The following ARID1A variants were observed in gnomAD, a reference collection of about 807,000 sequenced individuals.
ARID1A encodes the protein AT-rich interactive domain-containing protein 1A.
A neutral mutation model predicts 212.6 loss-of-function variants in ARID1A; 20 were observed. The ratio of observed to expected loss-of-function variants is 0.09; its 90% CI spans 0.07 to 0.14. The LOEUF (loss-of-function observed/expected upper bound fraction) is 0.14. Among genes scored for constraint, ARID1A ranks in the 10% least tolerant of loss-of-function variants. The probability of loss-of-function intolerance (pLI) is 1.00; values close to 1 mark genes in which losing one functional copy is unlikely to be tolerated. For synonymous variants in ARID1A, 1,376 were observed against 1,222.1 expected, an observed-to-expected ratio of 1.13 and a Z score of -2.63; for missense variants, 2,587 against 3,059.0, an observed-to-expected ratio of 0.85 and a Z score of 3.64.
In ARID1A at chr1:26,702,312, A is replaced by G. The variant is rs555026633; in HGVS notation, c.1137+4772A>G. Reference sequence around the variant, plus strand: ...CTTTGCACGTGGTCCTGGAAATGCTATTCTTTCTCTTCTCCAGCACACCTG... The same window carrying G: ...CTTTGCACGTGGTCCTGGAAATGCTGTTCTTTCTCTTCTCCAGCACACCTG... On this transcript the variant is annotated intron_variant, in intron 1 of 19. Transcript: ENST00000324856. Among the ~76,000 whole-genome samples the G allele has an allele frequency of 4.6e-5, 7 of 152,344 alleles. No individual in the cohort carries two copies. The East Asian group carries it at 7.7e-4, about 17-fold the overall frequency.
chr1:26,751,253 T>TA (rs558751331), intron 4 of ARID1A, among the ~76,000 whole-genome samples: 49 of 145,934 alleles, frequency 3.4e-4, no homozygotes, highest in South Asian at 1.8e-3. Context: ...AAACTCCGTC[T>TA]AAAAAAAAAA....
At chr1:26,710,586 A>G (rs1423228477) in intron 1 of ARID1A, among the ~76,000 whole-genome samples, 2 of 150,328 alleles carry the variant, frequency 1.3e-5, no homozygotes, top group Non-Finnish European at 3.0e-5. Flanking sequence ...TGTGGTCCCT[A>G]GCCACCAGCA....
rs1476547709 is a variant in ARID1A, at chr1:26,696,886, C to T, written c.483C>T (p.Val161=). ...CCTACGGCCGGAGCCCGTCTGCCGT[C>T]GCCGCCGCCGCGGCCGCCGTCTTCC... ...GQPYGRSPSA[V]AAAAAAVFHQ... is the part of the protein sequence containing the mutation. The change falls in exon 1 of 20, where the codon GTC becomes GTT. Residue 161 remains valine, a synonymous_variant. Coordinates refer to ENST00000324856, the MANE Select transcript of ARID1A (RefSeq NM_006015.6). The T allele has an allele frequency of 8.1e-6, 11 of 1,356,282 alleles. No homozygotes were observed. Among genetic ancestry groups the T allele is most frequent in the East Asian group, 3.0e-5 (1 of 33,042 alleles). The allele number at this position is 1,356,282 out of a possible 1,614,324, so 84.0% of individuals were successfully genotyped here.
intron 1 of ARID1A, among the ~76,000 whole-genome samples, chr1:26,711,669 T>C (rs1257131938): frequency 6.6e-6 from 1 of 152,194 alleles, no homozygotes; most frequent in South Asian, 2.1e-4. Flanking sequence ...TCTGCTTGTT[T>C]ATAGGACTTG....
At chr1:26,766,810 TG>T (rs1169303670) in intron 10 of ARID1A, among the ~76,000 whole-genome samples, 2 of 152,158 alleles carry the variant, frequency 1.3e-5, no homozygotes, top group African/African-American at 2.4e-5. Flanking sequence ...CTGTTTGTTA[TG>T]GGGGAAATGC....
intron 19 of ARID1A, 41 bp from the exon 20 acceptor site, chr1:26,778,982 C>T (rs1165779653): frequency 2.7e-6 from 4 of 1,494,318 alleles, no homozygotes; most frequent in Admixed American, 2.3e-5. Flanking sequence ...TCTTAGGCCA[C>T]TTTTCTCCCT....
At position 26,742,699 on chromosome 1, in the gene ARID1A, G is replaced by A. The variant is rs192556289; in HGVS notation, c.1920+9907G>A. Among the ~76,000 whole-genome samples the A allele has an allele frequency of 5.9e-5, 9 of 152,236 alleles. No individual in the cohort carries two copies. In the East Asian group the frequency reaches 9.6e-4, roughly 16 times the overall value. On this transcript the variant is annotated intron_variant, in intron 4 of 19. Coordinates refer to ENST00000324856, the MANE Select transcript of ARID1A (RefSeq NM_006015.6). The stretch of plus-strand genomic sequence containing the variant: ...AATATCAAGCTGGTAGGCCAGGCAC[G>A]GTGGCTCACACCTGTAATCCCAGCA...
At chr1:26,732,429 GC>G (rs2080688094) in intron 3 of ARID1A, among the ~76,000 whole-genome samples, 1 of 152,190 alleles carries the variant, frequency 6.6e-6, no homozygotes, top group Non-Finnish European at 1.5e-5. Context: ...CCAGACATTA[GC>G]ATTTAACCCC....
At chr1:26,735,678 G>T (rs1008307998) in intron 4 of ARID1A, among the ~76,000 whole-genome samples, 6 of 152,192 alleles carry the variant, frequency 3.9e-5, no homozygotes, top group Non-Finnish European at 2.9e-5. Flanking sequence ...TTCTCATTCA[G>T]TAGGTCTGGA....
intron 1 of ARID1A, among the ~76,000 whole-genome samples, chr1:26,699,741 T>C (rs143275833): frequency 2.0e-5 from 3 of 152,346 alleles, no homozygotes; most frequent in African/African-American, 4.8e-5. Flanking sequence ...AAATTTTACT[T>C]TTCTTGAAAA....
chr1:26,778,687 C>T (rs921753065), intron 19 of ARID1A: 3 of 205,216 alleles, frequency 1.5e-5, no homozygotes, highest in Non-Finnish European at 2.9e-5. Context: ...GCAATGACCA[C>T]CAGGTTGAAA....
chr1:26,780,994 C>A lies in ARID1A; in HGVS notation c.*238C>A. 2.3e-6 allele frequency: 1 copy of A among 444,338 alleles called. No homozygotes were observed. The highest frequency in any genetic ancestry group is 3.9e-6 in the Non-Finnish European group (1 of 257,496). 27.5% of individuals were successfully genotyped at this position (444,338 alleles called of 1,614,324 possible). ...ACCTTACTCCCCTCAGGACCCTACC[C>A]CACCCTCTTTGAAAAGACAAAGCTC... On this transcript the variant is annotated 3_prime_UTR_variant, in exon 20 of 20. Coordinates refer to ENST00000324856, the MANE Select transcript of ARID1A (RefSeq NM_006015.6). The surrounding 1 kb of genome is among the most constrained non-coding windows in gnomAD (Gnocchi z 7.2).
intron 14 of ARID1A, 128 bp from the exon 15 acceptor site, chr1:26,773,216 ATC>A (rs1344882827): frequency 1.5e-6 from 2 of 1,376,732 alleles, no homozygotes; most frequent in Non-Finnish European, 2.0e-6. Context: ...GCCTCTTTAG[ATC>A]TCTGTTTTGA....
chr1:26,778,227 G>A (rs1257070975), intron 19 of ARID1A: 3 of 151,270 alleles, frequency 2.0e-5, no homozygotes, highest in Non-Finnish European at 4.4e-5. Context: ...TCACACCACT[G>A]TACTCCAGCC....
chr1:26,742,512 A>G (rs2080797029), intron 4 of ARID1A, among the ~76,000 whole-genome samples: 2 of 152,220 alleles, frequency 1.3e-5, no homozygotes, highest in Admixed American at 1.3e-4. Flanking sequence ...TCCATTGTCT[A>G]GAAGCACCAA....
chr1:26,698,091 C>T (rs908020412), intron 1 of ARID1A, among the ~76,000 whole-genome samples: 2 of 152,212 alleles, frequency 1.3e-5, no homozygotes, highest in African/African-American at 4.8e-5. Flanking sequence ...TAGGGCAGCC[C>T]GGTCCATCTC....
chr1:26,774,222 T>A lies in ARID1A; in HGVS notation c.4102-107T>A. 1 of 1,484,740 alleles carries A rather than the reference T, an allele frequency of 6.7e-7. No individual in the cohort carries two copies. Among genetic ancestry groups the A allele is most frequent in the Non-Finnish European group, 8.9e-7 (1 of 1,119,122 alleles). The allele number at this position is 1,484,740 out of a possible 1,614,324, so 92.0% of individuals were successfully genotyped here. ...TGTTAAGGTGATTCCCATGTTTTCT[T>A]GGAGTCTGTGTCCACCAAGCATCTG... On this transcript the variant is annotated intron_variant, in intron 17 of 19. Transcript: ENST00000324856. This position sits in a 1 kb window ranked among gnomAD's most constrained non-coding sequence, Gnocchi z 5.6.
At chr1:26,759,262 G>A (rs959865597) in intron 4 of ARID1A, among the ~76,000 whole-genome samples, 2 of 152,104 alleles carry the variant, frequency 1.3e-5, no homozygotes, top group African/African-American at 4.8e-5. Context: ...GAGTGCAGTG[G>A]TACAATCTCG....
At chr1:26,729,333 C>T (rs2080649990) in intron 1 of ARID1A, 5 of 365,338 alleles carry the variant, frequency 1.4e-5, no homozygotes, top group South Asian at 8.3e-5. Context: ...ATAGCAGCAC[C>T]GTCCTCTACC....
Sources: allele counts gnomAD v4.1 joint callset (sites outside exome capture counted in the v4.1 genomes callset), GRCh38; gene constraint gnomAD v4.1.1; non-coding constraint Gnocchi (gnomAD v3.1); transcripts MANE v1.5; gene names NCBI Gene and HGNC (gene_info 2026-07-23, HGNC 2026-07-21).